GRIN2B: variants seen among roughly 807,000 people sequenced by gnomAD.
GRIN2B encodes the protein glutamate ionotropic receptor NMDA type subunit 2B.
In GRIN2B, 5 loss-of-function variants were observed where a neutral mutation model predicts 114.5. The observed-to-expected ratio is 0.04, with a 90% CI of 0.02 to 0.09. The LOEUF is 0.09. GRIN2B is among the 10% of genes least tolerant of loss of function. The pLI is 1.00. For synonymous variants in GRIN2B, 787 were observed against 745.1 expected, an observed-to-expected ratio of 1.06 and a Z score of -0.92; for missense variants, 1,108 against 1,943.5, an observed-to-expected ratio of 0.57 and a Z score of 8.08.
intron 9 of GRIN2B, among the ~76,000 whole-genome samples, chr12:13,609,303 C>A (rs916912286): frequency 3.3e-5 from 5 of 152,186 alleles, no homozygotes; most frequent in African/African-American, 9.7e-5. Flanking sequence ...TGTTTTCTGC[C>A]ATTCATAAAC....
chr12:13,689,188 A>G (rs908743377), intron 4 of GRIN2B, among the ~76,000 whole-genome samples: 26 of 152,046 alleles, frequency 1.7e-4, no homozygotes, highest in African/African-American at 5.6e-4. Flanking sequence ...CTTATTCCCC[A>G]TTTCCATCCT....
intron 10 of GRIN2B, among the ~76,000 whole-genome samples, chr12:13,598,246 C>A (rs2136451222): frequency 1.3e-5 from 2 of 152,314 alleles, no homozygotes; most frequent in East Asian, 3.9e-4. Context: ...CCAGCTTTTC[C>A]ACTGGACAGC....
Position 13,637,254 on chromosome 12 carries a change from G to A in GRIN2B, c.1126-20597C>T, listed in dbSNP as rs184035072. Among the ~76,000 whole-genome samples, 7 of 152,278 alleles carry A rather than the reference G, an allele frequency of 4.6e-5. No individual in the cohort carries two copies. The East Asian group carries it at 1.3e-3, about 29-fold the overall frequency. ...TAAAGAGAAAATAGGCAGAGTTGCA[G>A]GGTAGTATGCAAGAAGAGGAATTAA... is the stretch of plus-strand genomic sequence containing the variant. On this transcript the variant is annotated intron_variant, in intron 5 of 13. Transcript: ENST00000609686.
intron 4 of GRIN2B, among the ~76,000 whole-genome samples, chr12:13,718,892 G>A (rs1950482870): frequency 6.6e-6 from 1 of 151,994 alleles, no homozygotes; most frequent in Non-Finnish European, 1.5e-5. Context: ...CTCACCACTT[G>A]CACAGGGACT....
chr12:13,717,570 C>G (rs1352530511), intron 4 of GRIN2B, among the ~76,000 whole-genome samples: 2 of 151,838 alleles, frequency 1.3e-5, no homozygotes, highest in Non-Finnish European at 2.9e-5. Flanking sequence ...GAATCTGTAC[C>G]GAGTAGGCAT....
intron 4 of GRIN2B, among the ~76,000 whole-genome samples, chr12:13,681,319 T>G (rs1224411883): frequency 6.6e-6 from 1 of 152,206 alleles, no homozygotes; most frequent in Non-Finnish European, 1.5e-5. Flanking sequence ...TGTGATTAGA[T>G]GACAAGGCTG....
chr12:13,853,271 C>A (rs978831987), intron 3 of GRIN2B, among the ~76,000 whole-genome samples: 4 of 152,184 alleles, frequency 2.6e-5, no homozygotes, highest in Admixed American at 2.0e-4. Context: ...CTGATCACAT[C>A]TCCAGAACCT....
At chr12:13,604,065 C>A (rs1206944176) in intron 10 of GRIN2B, among the ~76,000 whole-genome samples, 2 of 152,056 alleles carry the variant, frequency 1.3e-5, no homozygotes, top group African/African-American at 4.8e-5. Context: ...TGGCAGACTG[C>A]AAAATGAGAA....
chr12:13,738,334 C>T (rs570762271), intron 4 of GRIN2B, among the ~76,000 whole-genome samples: 7 of 152,276 alleles, frequency 4.6e-5, no homozygotes, highest in East Asian at 3.9e-4. Flanking sequence ...CAAGGCCAGC[C>T]GACACATCAA....
chr12:13,563,153 T>A lies in GRIN2B; in HGVS notation c.4085A>T (p.His1362Leu). The A allele has an allele frequency of 6.2e-7, 1 of 1,614,154 alleles. No homozygotes were observed. The highest frequency in any genetic ancestry group is 8.5e-7 in the Non-Finnish European group (1 of 1,180,030). The part of the protein sequence containing the change: ...NKSSVPTAGH[H>L]HHNNPGGGYM... ...CCCGCCGCCGGGGTTGTTGTGGTGG[T>A]GATGTCCGGCAGTGGGCACTGAGGA... The change falls in exon 14 of 14, where the codon CAC becomes CTC. Residue 1362 changes from histidine (H) to leucine (L), a missense_variant. Physicochemically the swap from His to Leu is moderately conservative, Grantham distance 99. Coordinates refer to ENST00000609686, the MANE Select transcript of GRIN2B (RefSeq NM_000834.5).
intron 3 of GRIN2B, among the ~76,000 whole-genome samples, chr12:13,766,904 C>G (rs895260734): frequency 2.6e-5 from 4 of 152,082 alleles, no homozygotes; most frequent in African/African-American, 9.7e-5. Context: ...ATGATTTCAG[C>G]GTTCCTACCG....
intron 13 of GRIN2B, among the ~76,000 whole-genome samples, chr12:13,565,552 G>A (rs578076389): frequency 9.6e-4 from 146 of 152,266 alleles, no homozygotes; most frequent in Non-Finnish European, 1.5e-3. Flanking sequence ...TGGGTTCCTG[G>A]AGGGCTCAGT....
chr12:13,563,136 C>A lies in GRIN2B; in HGVS notation c.4102G>T (p.Gly1368Cys). The A allele has an allele frequency of 3.1e-6, 5 of 1,614,190 alleles. No homozygotes were observed. In the South Asian group the frequency reaches 5.5e-5, roughly 18 times the overall value. ...TAGHHHHNNP[G>C]GGYMLSKSLY... is the part of the protein sequence containing the mutation. ...GACTTGCTGAGCATGTACCCGCCGCCGGGGTTGTTGTGGTGGTGATGTCCG... is the reference window on the plus strand; with the variant it reads ...GACTTGCTGAGCATGTACCCGCCGCAGGGGTTGTTGTGGTGGTGATGTCCG... The change falls in exon 14 of 14, where the codon GGC (glycine) becomes TGC (cysteine). Residue 1368 changes from glycine (G) to cysteine (C), a missense_variant. Transcript: ENST00000609686.
At chr12:13,932,982 T>TGTGC (rs1229544710) in intron 2 of GRIN2B, among the ~76,000 whole-genome samples, 8,079 of 120,120 alleles carry the variant, frequency 0.067, 645 homozygotes, top group East Asian at 0.4. Context: ...TGTGTGTGTG[T>TGTGC]GTGTGCGTGT....
At chr12:13,588,858 T>C (rs921118498) in intron 10 of GRIN2B, among the ~76,000 whole-genome samples, 1 of 152,158 alleles carries the variant, frequency 6.6e-6, no homozygotes, top group Non-Finnish European at 1.5e-5. Context: ...TGATTAAAAG[T>C]GAGGGGAGCA....
At chr12:13,614,886 T>G (rs546200098) in intron 8 of GRIN2B, among the ~76,000 whole-genome samples, 3 of 152,306 alleles carry the variant, frequency 2.0e-5, no homozygotes, top group African/African-American at 7.2e-5. Flanking sequence ...ACCAGCCCAG[T>G]ACTACTTTCT....
At chr12:13,636,929 T>C (rs1949670745) in intron 5 of GRIN2B, among the ~76,000 whole-genome samples, 1 of 152,020 alleles carries the variant, frequency 6.6e-6, no homozygotes, top group Admixed American at 6.6e-5. Flanking sequence ...GCATCTAGAG[T>C]AAAGGAAACT....
chr12:13,665,640 C>T (rs1255950465), intron 5 of GRIN2B, among the ~76,000 whole-genome samples: 1 of 152,136 alleles, frequency 6.6e-6, no homozygotes, highest in East Asian at 1.9e-4. Flanking sequence ...CTCTGATCCT[C>T]AATTTACTTA....
intron 2 of GRIN2B, among the ~76,000 whole-genome samples, chr12:13,961,047 C>T (rs1288000612): frequency 6.6e-6 from 1 of 150,692 alleles, no homozygotes; most frequent in Admixed American, 6.6e-5. Flanking sequence ...TGCCGTCATT[C>T]GTGATGATGG....
Sources: gnomAD v4.1 joint callset for allele counts (sites outside exome capture counted in the v4.1 genomes callset) on GRCh38, gnomAD v4.1.1 for gene constraint, MANE v1.5 for transcripts, NCBI Gene and HGNC (gene_info 2026-07-23, HGNC 2026-07-21) for gene names.